The following NEK11 variants were observed in gnomAD, a reference collection of about 807,000 sequenced individuals.
The protein encoded by NEK11 is serine/threonine-protein kinase Nek11.
Under a neutral mutation model 80.7 loss-of-function variants are expected in NEK11, and 72 were observed. The observed-to-expected ratio is 0.89, with a 90% confidence interval of 0.74 to 1.08. The LOEUF is 1.08. Among genes scored for constraint, NEK11 ranks in the 50% least tolerant of loss-of-function variants. NEK11 has a pLI of 0.00. For missense variants in NEK11, 764 were observed against 763.6 expected (o/e 1.00, Z -0.01); for synonymous variants, 251 against 260.7 (o/e 0.96, Z 0.36).
At chr3:131,171,001 C>T in intron 14 of NEK11, 114 bp downstream of exon 14, 1 of 788,418 alleles carries the variant, frequency 1.3e-6, no homozygotes, top group South Asian at 1.4e-5. Context: ...GTGTGTGCAG[C>T]TATTATCAGT....
intron 16 of NEK11, among the ~76,000 whole-genome samples, chr3:131,243,858 G>C (rs1417187766): frequency 6.6e-6 from 1 of 152,052 alleles, no homozygotes; most frequent in Non-Finnish European, 1.5e-5. Context: ...GTTAAGCTGG[G>C]AGGACCATCA....
At chr3:131,174,911 C>A in intron 14 of NEK11, 2 of 1,457,760 alleles carry the variant, frequency 1.4e-6, no homozygotes, top group Non-Finnish European at 1.8e-6. Flanking sequence ...GGCTGCTTAC[C>A]CACATCCTGA....
intron 15 of NEK11, among the ~76,000 whole-genome samples, chr3:131,236,206 G>A (rs565780210): frequency 3.6e-4 from 55 of 152,242 alleles, no homozygotes; most frequent in African/African-American, 1.3e-3. Context: ...AGATTAAGTA[G>A]TTAATAAAGA....
chr3:131,208,872 G>A (rs1203396983), intron 14 of NEK11, among the ~76,000 whole-genome samples: 8 of 152,262 alleles, frequency 5.3e-5, no homozygotes, highest in South Asian at 2.1e-4. Context: ...GGGCTGAGAC[G>A]ATGGGGTTTT....
chr3:131,171,501 G>A (rs538075899), intron 14 of NEK11, among the ~76,000 whole-genome samples: 1 of 152,126 alleles, frequency 6.6e-6, no homozygotes, highest in South Asian at 2.1e-4. Context: ...AAATGGAGTA[G>A]GTACATCATA....
At chr3:131,119,810 G>T (rs1353815007) in intron 5 of NEK11, among the ~76,000 whole-genome samples, 2 of 151,214 alleles carry the variant, frequency 1.3e-5, no homozygotes, top group Non-Finnish European at 3.0e-5. Context: ...TTTATGTTTT[G>T]TTTTGTTTTC....
intron 14 of NEK11, chr3:131,184,708 G>A: frequency 1.7e-6 from 2 of 1,194,004 alleles, no homozygotes; most frequent in South Asian, 1.9e-5. Flanking sequence ...AAAGGAGACT[G>A]TAATCTAATT....
At chr3:131,301,044 T>C (rs2096655595) in intron 17 of NEK11, among the ~76,000 whole-genome samples, 1 of 152,192 alleles carries the variant, frequency 6.6e-6, no homozygotes, top group Admixed American at 6.5e-5. Flanking sequence ...TTGTGTAATC[T>C]CTGATTTCTT....
chr3:131,233,659 C>T (rs908442351), intron 15 of NEK11, among the ~76,000 whole-genome samples: 3 of 152,278 alleles, frequency 2.0e-5, no homozygotes, highest in Admixed American at 1.3e-4. Context: ...TAAATCCAGT[C>T]CCTCTACTGC....
intron 5 of NEK11, among the ~76,000 whole-genome samples, chr3:131,115,976 TTCTTTC>T (rs796614626): frequency 7.2e-6 from 1 of 139,380 alleles, no homozygotes; most frequent in Non-Finnish European, 1.6e-5. Context: ...CTTTCTTTCT[TTCTTTC>T]TTTCTTTATT....
intron 16 of NEK11, 92 bp downstream of exon 16, chr3:131,243,588 A>T: frequency 7.6e-6 from 8 of 1,052,608 alleles, no homozygotes; most frequent in Non-Finnish European, 8.7e-6. Context: ...TTTAAGTCTG[A>T]TATCTTAGTA....
chr3:131,165,433 G>C lies in NEK11; in HGVS notation c.1090G>C (p.Val364Leu). Residue 364 changes from valine to leucine, a missense_variant, in exon 12 of 18, where the codon GTG (valine) becomes CTG (leucine). Val to Leu is a conservative substitution (Grantham distance 32). Coordinates refer to ENST00000383366, the MANE Select transcript of NEK11 (RefSeq NM_024800.5). The part of the protein sequence containing the change: ...DEKARKLKKI[V>L]EEKYEENSKR... ...TTCACTTTAAATTTACAGAAAGATT[G>C]TGGAAGAAAAATATGAAGAAAATAG... 7 of 1,601,446 alleles carry C rather than the reference G, an allele frequency of 4.4e-6. No individual in the cohort carries two copies. Among genetic ancestry groups the C allele is most frequent in the Non-Finnish European group, 6.0e-6 (7 of 1,168,910 alleles).
intron 4 of NEK11, chr3:131,109,583 T>A: frequency 2.3e-6 from 1 of 429,338 alleles, no homozygotes; most frequent in East Asian, 4.2e-5. Flanking sequence ...AATAGATTCG[T>A]GTTTGTTAAA....
intron 14 of NEK11, among the ~76,000 whole-genome samples, chr3:131,220,102 T>G (rs1203540663): frequency 6.6e-6 from 1 of 152,242 alleles, no homozygotes; most frequent in East Asian, 1.9e-4. Flanking sequence ...CTTCAATTTC[T>G]TTTTGGTTTT....
chr3:131,297,269 G>C (rs1374403540), intron 17 of NEK11, among the ~76,000 whole-genome samples: 4 of 151,976 alleles, frequency 2.6e-5, no homozygotes, highest in South Asian at 4.2e-4. Context: ...CTAGTTTACA[G>C]TCCCACCAAC....
At chr3:131,180,780 T>G (rs1458625870) in intron 14 of NEK11, among the ~76,000 whole-genome samples, 1 of 152,246 alleles carries the variant, frequency 6.6e-6, no homozygotes, top group African/African-American at 2.4e-5. Flanking sequence ...TATTTTAAGA[T>G]GCATCTCCAT....
chr3:131,290,952 CAA>C (rs1199088843), intron 17 of NEK11, among the ~76,000 whole-genome samples: 1 of 152,160 alleles, frequency 6.6e-6, no homozygotes, highest in African/African-American at 2.4e-5. Context: ...CATAATCACC[CAA>C]AGTCTACAGT....
At chr3:131,297,500 G>C (rs941162699) in intron 17 of NEK11, among the ~76,000 whole-genome samples, 1 of 152,100 alleles carries the variant, frequency 6.6e-6, no homozygotes, top group African/African-American at 2.4e-5. Flanking sequence ...CCCACTTTTT[G>C]ATGGGGTTGT....
At chr3:131,042,048 A>T (rs978668604) in intron 3 of NEK11, among the ~76,000 whole-genome samples, 2 of 152,202 alleles carry the variant, frequency 1.3e-5, no homozygotes, top group African/African-American at 4.8e-5. Context: ...GGACTGTGCC[A>T]TGAGGAACAG....
Sources: gnomAD v4.1 joint callset for allele counts (sites outside exome capture counted in the v4.1 genomes callset) on GRCh38, gnomAD v4.1.1 for gene constraint, MANE v1.5 for transcripts, NCBI Gene and HGNC (gene_info 2026-07-23, HGNC 2026-07-21) for gene names.